Variants in RIMS2 observed in about 807,000 individuals in gnomAD.
RIMS2 encodes regulating synaptic membrane exocytosis 2.
In RIMS2, 59 loss-of-function variants were observed where a neutral mutation model predicts 174.4. The observed-to-expected ratio is 0.34, with a 90% CI of 0.27 to 0.42. The LOEUF (loss-of-function observed/expected upper bound fraction) is 0.42, where lower values mean the gene tolerates loss of function less well. Ranked by LOEUF, RIMS2 falls within the 10% of genes least tolerant of loss-of-function variation. RIMS2 has a pLI of 1.00. For missense variants in RIMS2, 1,620 were observed against 1,666.3 expected (o/e 0.97, Z 0.48); for synonymous variants, 606 against 572.5 (o/e 1.06, Z -0.84).
intron 3 of RIMS2, among the ~76,000 whole-genome samples, chr8:103,846,973 T>C (rs928334526): frequency 3.9e-5 from 6 of 152,092 alleles, no homozygotes; most frequent in African/African-American, 1.4e-4. Flanking sequence ...ATGTCAAACA[T>C]ATCCTCCCAT....
chr8:103,661,784 C>T (rs2096604397), intron 1 of RIMS2, among the ~76,000 whole-genome samples: 1 of 152,168 alleles, frequency 6.6e-6, no homozygotes, highest in Admixed American at 6.5e-5. Context: ...GGATTACAGG[C>T]GTGAGCCACT....
intron 2 of RIMS2, among the ~76,000 whole-genome samples, chr8:103,745,447 G>A (rs142706158): frequency 6.6e-6 from 1 of 152,086 alleles, no homozygotes; most frequent in African/African-American, 2.4e-5. Context: ...TGCAAGTTGT[G>A]TAAAGATTTG....
chr8:103,771,732 A>T (rs1170312154), intron 3 of RIMS2, among the ~76,000 whole-genome samples: 1 of 152,154 alleles, frequency 6.6e-6, no homozygotes, highest in Non-Finnish European at 1.5e-5. Flanking sequence ...CTCGGCCATG[A>T]GATAAACTTG....
intron 19 of RIMS2, among the ~76,000 whole-genome samples, chr8:104,017,943 C>G (rs1365569154): frequency 1.4e-4 from 21 of 151,986 alleles, no homozygotes; most frequent in Admixed American, 1.4e-3. Context: ...GGCATGATGG[C>G]CCACTCCCAT....
chr8:104,109,814 T>C (rs541379574), intron 19 of RIMS2, among the ~76,000 whole-genome samples: 35 of 152,284 alleles, frequency 2.3e-4, no homozygotes, highest in African/African-American at 8.4e-4. Flanking sequence ...AGGGTAGAGA[T>C]TGTGGACAAT....
intron 13 of RIMS2, among the ~76,000 whole-genome samples, chr8:103,941,331 A>T (rs1483317434): frequency 2.0e-5 from 3 of 152,060 alleles, no homozygotes; most frequent in African/African-American, 7.2e-5. Flanking sequence ...AATAAATAAA[A>T]AAAGAAATTA....
At chr8:103,751,031 T>G (rs927893513) in intron 2 of RIMS2, among the ~76,000 whole-genome samples, 2 of 152,116 alleles carry the variant, frequency 1.3e-5, no homozygotes, top group Non-Finnish European at 2.9e-5. Context: ...GGCAGTTTCC[T>G]TGCATAAGCT....
chr8:103,933,838 G>GTTATGAATTA (rs1387834489), intron 12 of RIMS2, among the ~76,000 whole-genome samples: 3 of 152,202 alleles, frequency 2.0e-5, no homozygotes, highest in Non-Finnish European at 1.5e-5. Context: ...TTGTGCTTTT[G>GTTATGAATTA]TTATGAATTA....
At chr8:104,096,316 A>T (rs1463059139) in intron 19 of RIMS2, among the ~76,000 whole-genome samples, 2 of 152,204 alleles carry the variant, frequency 1.3e-5, no homozygotes, top group African/African-American at 4.8e-5. Context: ...CTAGGCAGAG[A>T]TTCAGAGAAG....
chr8:103,938,336 T>C (rs1194204392), intron 13 of RIMS2, among the ~76,000 whole-genome samples: 1 of 152,278 alleles, frequency 6.6e-6, no homozygotes, highest in African/African-American at 2.4e-5. Flanking sequence ...ACGTCTTACA[T>C]GGATGGTGGC....
exon 4 of RIMS2, chr8:103,885,704 A>G: frequency 4.3e-6 from 7 of 1,613,106 alleles, no homozygotes; most frequent in Non-Finnish European, 5.9e-6. Flanking sequence ...GAGAAGGCAT[A>G]GTGATGTTTC....
intron 19 of RIMS2, among the ~76,000 whole-genome samples, chr8:104,067,531 T>TA (rs968439613): frequency 6.6e-6 from 1 of 151,646 alleles, no homozygotes; most frequent in African/African-American, 2.4e-5. Context: ...GCTGGGACTA[T>TA]AAGCATGTGT....
chr8:103,586,979 CAAT>C (rs1463018215), intron 1 of RIMS2, among the ~76,000 whole-genome samples: 1 of 151,896 alleles, frequency 6.6e-6, no homozygotes, highest in Admixed American at 6.6e-5. Context: ...AATATATTAT[CAAT>C]AATAACATTG....
rs530244346 is a variant in RIMS2 at position 103,540,267 on chromosome 8, G to A, written c.176+39205G>A. Among the ~76,000 whole-genome samples, 112 of 152,292 alleles carry A rather than the reference G, an allele frequency of 7.4e-4. 1 individual carries two copies. The highest frequency in any genetic ancestry group is 2.4e-3 in the African/African-American group (99 of 41,576). On this transcript the variant is annotated intron_variant, in intron 1 of 23. Coordinates refer to ENST00000504942, the Ensembl canonical transcript of RIMS2. Reference sequence around the variant, plus strand: ...CCCAACATGAAGAGGGACCCCTTTAGTCACAACTTCCTCGGTGGGAGAAAA... The same window carrying A: ...CCCAACATGAAGAGGGACCCCTTTAATCACAACTTCCTCGGTGGGAGAAAA...
intron 19 of RIMS2, among the ~76,000 whole-genome samples, chr8:104,214,286 G>C (rs1033762707): frequency 1.3e-5 from 2 of 152,128 alleles, no homozygotes; most frequent in African/African-American, 4.8e-5. Flanking sequence ...ATAGTCCTCT[G>C]TCTTGTTAGA....
In RIMS2 at chr8:103,705,646, T is replaced by C. The variant is rs542466294; in HGVS notation, c.387+8350T>C. Among the ~76,000 whole-genome samples the C allele has an allele frequency of 3.0e-4, 45 of 152,204 alleles. 1 individual carries two copies. Among genetic ancestry groups the C allele is most frequent in the Non-Finnish European group, 7.4e-5 (5 of 67,950 alleles). ...TGGGTTCTATGACATTGGTTGCATA[T>C]AGATTTACAGTTTTTATATCTCTTG... On this transcript the variant is annotated intron_variant, in intron 2 of 23. Transcript: ENST00000504942.
At chr8:103,968,435 G>A (rs1274830251) in intron 15 of RIMS2, among the ~76,000 whole-genome samples, 1 of 150,240 alleles carries the variant, frequency 6.7e-6, no homozygotes, top group South Asian at 2.1e-4. Context: ...TTTTAATTGA[G>A]CATTTCATAT....
chr8:103,604,276 TTTTGTCAGG>T (rs1490150287), intron 1 of RIMS2, among the ~76,000 whole-genome samples: 2 of 151,306 alleles, frequency 1.3e-5, no homozygotes, highest in Admixed American at 1.3e-4. Flanking sequence ...CATTGCTTGT[TTTTGTCAGG>T]TTTGTCAAAG....
intron 19 of RIMS2, among the ~76,000 whole-genome samples, chr8:104,169,304 C>CTATATATA (rs751636552): frequency 1.2e-3 from 102 of 87,462 alleles, no homozygotes; most frequent in Admixed American, 1.4e-3. Flanking sequence ...TTGTTGTTGG[C>CTATATATA]TATATATATA....
Sources: gnomAD v4.1 joint callset for allele counts (sites outside exome capture counted in the v4.1 genomes callset) on GRCh38, gnomAD v4.1.1 for gene constraint, MANE v1.5 for transcripts, NCBI Gene and HGNC (gene_info 2026-07-23, HGNC 2026-07-21) for gene names.